The following KCTD8 variants were observed in gnomAD, a reference collection of about 807,000 sequenced individuals.
The protein encoded by KCTD8 is potassium channel tetramerization domain containing 8, also known as BTB/POZ domain-containing protein KCTD8.
In KCTD8, 27 loss-of-function variants were observed where a neutral mutation model predicts 31.5. The ratio of observed to expected loss-of-function variants is 0.86; its 90% CI spans 0.63 to 1.18. The LOEUF is 1.18. Ranked by LOEUF, KCTD8 falls within the 50% of genes most tolerant of loss-of-function variation. The pLI is 0.00. For missense variants in KCTD8, 658 were observed against 647.7 expected (o/e 1.02, Z -0.17); for synonymous variants, 290 against 280.0 (o/e 1.04, Z -0.36).
chr4:44,177,923 T>C (rs1028246719), intron 1 of KCTD8, among the ~76,000 whole-genome samples: 38 of 152,206 alleles, frequency 2.5e-4, no homozygotes, highest in Admixed American at 1.1e-3. Context: ...GGGTTTCTGA[T>C]AGATCCACTC....
chr4:44,209,734 T>G (rs1297486785), intron 1 of KCTD8, among the ~76,000 whole-genome samples: 1 of 152,164 alleles, frequency 6.6e-6, no homozygotes, highest in Non-Finnish European at 1.5e-5. Context: ...TAACATTGGA[T>G]GTGAACATTT....
intron 1 of KCTD8, among the ~76,000 whole-genome samples, chr4:44,267,396 T>C (rs1207612211): frequency 5.9e-5 from 9 of 152,150 alleles, no homozygotes; most frequent in Admixed American, 1.3e-4. Flanking sequence ...TTCAAGGCAG[T>C]GTGTAGAGGG....
intron 1 of KCTD8, among the ~76,000 whole-genome samples, chr4:44,230,288 A>C (rs901889109): frequency 6.6e-6 from 1 of 152,216 alleles, no homozygotes; most frequent in Non-Finnish European, 1.5e-5. Flanking sequence ...TAGTTGATAA[A>C]AAGATGAAGG....
chr4:44,195,141 G>A (rs1713900931), intron 1 of KCTD8, among the ~76,000 whole-genome samples: 1 of 151,180 alleles, frequency 6.6e-6, no homozygotes, highest in Admixed American at 6.6e-5. Flanking sequence ...GCCTCCCAAA[G>A]TGCTGGGATT....
chr4:44,310,627 T>G (rs1717921315), intron 1 of KCTD8, among the ~76,000 whole-genome samples: 1 of 152,100 alleles, frequency 6.6e-6, no homozygotes, highest in African/African-American at 2.4e-5. Context: ...CTTGGTAACA[T>G]TAATTCACTA....
intron 1 of KCTD8, among the ~76,000 whole-genome samples, chr4:44,388,015 C>CAA (rs200165225): frequency 0.023 from 3,178 of 135,560 alleles, 44 homozygotes; most frequent in Non-Finnish European, 0.033. Context: ...AACAAATTTA[C>CAA]AAAAAAAAAA....
At chr4:44,397,848 G>C (rs563514993) in intron 1 of KCTD8, among the ~76,000 whole-genome samples, 1 of 152,014 alleles carries the variant, frequency 6.6e-6, no homozygotes, top group Admixed American at 6.6e-5. Flanking sequence ...TTTCTTTCAA[G>C]TAAAATTTAT....
chr4:44,377,700 C>G (rs1028480783), intron 1 of KCTD8, among the ~76,000 whole-genome samples: 12 of 152,276 alleles, frequency 7.9e-5, no homozygotes, highest in African/African-American at 2.9e-4. Context: ...GTGGGATTTG[C>G]TCTTCATGTC....
chr4:44,253,546 G>T (rs1560406889), intron 1 of KCTD8, among the ~76,000 whole-genome samples: 1 of 151,590 alleles, frequency 6.6e-6, no homozygotes. Flanking sequence ...CCTTTAAGAG[G>T]GCTTACTTTC....
At chr4:44,422,128 G>C (rs1013520247) in intron 1 of KCTD8, among the ~76,000 whole-genome samples, 2 of 151,976 alleles carry the variant, frequency 1.3e-5, no homozygotes, top group African/African-American at 4.8e-5. Context: ...TGAAGATTTT[G>C]GCCCTCTTAG....
chr4:44,311,452 G>T (rs1717947658), intron 1 of KCTD8, among the ~76,000 whole-genome samples: 2 of 151,916 alleles, frequency 1.3e-5, no homozygotes, highest in Admixed American at 6.6e-5. Context: ...CAAACTATAG[G>T]TATATACAGT....
chr4:44,276,758 A>G (rs2109375937), intron 1 of KCTD8, among the ~76,000 whole-genome samples: 1 of 152,022 alleles, frequency 6.6e-6, no homozygotes, highest in East Asian at 1.9e-4. Context: ...CAGCTTAAAT[A>G]AAGTTCACAT....
At chr4:44,244,415 G>A (rs1318844549) in intron 1 of KCTD8, among the ~76,000 whole-genome samples, 1 of 152,118 alleles carries the variant, frequency 6.6e-6, no homozygotes, top group Admixed American at 6.5e-5. Flanking sequence ...TCTCAGAGGA[G>A]ACCTCAGAGG....
intron 1 of KCTD8, among the ~76,000 whole-genome samples, chr4:44,403,184 G>A (rs1314856974): frequency 6.9e-6 from 1 of 144,982 alleles, no homozygotes; most frequent in Admixed American, 7.0e-5. Flanking sequence ...TGCGGGGAGT[G>A]GAAGTTGAGC....
intron 1 of KCTD8, among the ~76,000 whole-genome samples, chr4:44,209,920 C>G (rs527470349): frequency 6.6e-6 from 1 of 152,212 alleles, no homozygotes; most frequent in African/African-American, 2.4e-5. Flanking sequence ...ATAAAAAAAG[C>G]TACACTATGG....
At chr4:44,198,218 C>G (rs1714008451) in intron 1 of KCTD8, among the ~76,000 whole-genome samples, 1 of 152,136 alleles carries the variant, frequency 6.6e-6, no homozygotes. Context: ...AATAAGCAAT[C>G]TGAAAAACAT....
intron 1 of KCTD8, among the ~76,000 whole-genome samples, chr4:44,300,088 A>C (rs941273972): frequency 6.6e-6 from 1 of 151,926 alleles, no homozygotes; most frequent in South Asian, 2.1e-4. Context: ...ACTCTTGACT[A>C]TTTTTCAAAT....
chr4:44,249,613 A>T (rs1403744830), intron 1 of KCTD8, among the ~76,000 whole-genome samples: 1 of 151,868 alleles, frequency 6.6e-6, no homozygotes, highest in Non-Finnish European at 1.5e-5. Context: ...ACAGGTGGCA[A>T]GGAAGATTGG....
Position 44,175,007 on chromosome 4 carries a change from G to C in KCTD8, c.1205C>G (p.Pro402Arg). ...ACTGTTTCTGCGTTTGTCTGGTGGG[G>C]GTATCCATTGTACAGGTGCTTTTTT... ...PSKKAPVQWI[P>R]PPDKRRNSEL... Residue 402 changes from proline to arginine, a missense_variant, in exon 2 of 2, where the codon CCC (proline) becomes CGC (arginine). Pro to Arg is a moderately radical substitution (Grantham distance 103, BLOSUM62 -2). Coordinates refer to ENST00000360029, the MANE Select transcript of KCTD8 (RefSeq NM_198353.3). 1 of 1,614,036 alleles carries C rather than the reference G, an allele frequency of 6.2e-7. No homozygotes were observed. The highest frequency in any genetic ancestry group is 2.2e-5 in the East Asian group (1 of 44,872).
Sources: allele counts gnomAD v4.1 joint callset (sites outside exome capture counted in the v4.1 genomes callset), GRCh38; gene constraint gnomAD v4.1.1; transcripts MANE v1.5; gene names NCBI Gene and HGNC (gene_info 2026-07-23, HGNC 2026-07-21).